Variants in CSMD3 observed in about 807,000 individuals in gnomAD.
CSMD3 encodes CUB and Sushi multiple domains 3.
A neutral mutation model predicts 435.2 loss-of-function variants in CSMD3; 177 were observed. The observed-to-expected ratio is 0.41, with a 90% CI of 0.36 to 0.46. The LOEUF is 0.46. Ranked by LOEUF, CSMD3 falls within the 20% of genes least tolerant of loss-of-function variation. The probability of loss-of-function intolerance (pLI) is 0.34; values close to 1 mark genes in which losing one functional copy is unlikely to be tolerated. For missense variants in CSMD3, 4,265 were observed against 4,504.6 expected, an observed-to-expected ratio of 0.95 and a Z score of 1.52; for synonymous variants, 1,656 against 1,520.5, an observed-to-expected ratio of 1.09 and a Z score of -2.07.
intron 41 of CSMD3, among the ~76,000 whole-genome samples, chr8:112,342,303 A>T (rs138292552): frequency 1.3e-5 from 2 of 152,258 alleles, no homozygotes; most frequent in African/African-American, 2.4e-5. Context: ...TAATCTCAAT[A>T]TCTTTATAAG....
At chr8:112,397,086 C>T (rs1341728200) in intron 35 of CSMD3, among the ~76,000 whole-genome samples, 1 of 152,160 alleles carries the variant, frequency 6.6e-6, no homozygotes, top group African/African-American at 2.4e-5. Flanking sequence ...ATTTAAGACA[C>T]TGAGCTTTTT....
rs568765222 is a variant in CSMD3 at position 113,336,902 on chromosome 8, T to G, written c.179-22109A>C. ...ACCACAGTGAGGGTGTTGGAACACC[T>G]TCTTGTAGCCTGGTAAGCCTGAAAG... On this transcript the variant is annotated intron_variant, in intron 1 of 70. Coordinates refer to ENST00000297405, the MANE Select transcript of CSMD3 (RefSeq NM_198123.2). Among the ~76,000 whole-genome samples the G allele has an allele frequency of 8.7e-4, 133 of 152,234 alleles. 1 individual carries two copies. The highest frequency in any genetic ancestry group is 4.0e-4 in the Non-Finnish European group (27 of 67,990).
chr8:112,783,337 TAGAA>T (rs2078441279), intron 13 of CSMD3, among the ~76,000 whole-genome samples: 1 of 137,330 alleles, frequency 7.3e-6, no homozygotes, highest in African/African-American at 2.7e-5. Context: ...CACAAAAAAA[TAGAA>T]AGCCAAGAAT....
At chr8:112,460,081 C>A (rs942159333) in intron 32 of CSMD3, among the ~76,000 whole-genome samples, 1 of 152,072 alleles carries the variant, frequency 6.6e-6, no homozygotes, top group African/African-American at 2.4e-5. Context: ...ACGGTAGTTT[C>A]CCACATCGTA....
At chr8:112,582,396 T>G (rs1222708600) in intron 23 of CSMD3, among the ~76,000 whole-genome samples, 3 of 152,076 alleles carry the variant, frequency 2.0e-5, no homozygotes, top group Non-Finnish European at 4.4e-5. Flanking sequence ...CAGGTATTTC[T>G]TTATAGCAAT....
At chr8:113,311,720 A>G (rs922981888) in intron 2 of CSMD3, 2 of 152,158 alleles carry the variant, frequency 1.3e-5, no homozygotes, top group Non-Finnish European at 2.9e-5. Flanking sequence ...GCTGTAGGTT[A>G]CATACTAATT....
chr8:113,179,794 A>T (rs892994225), intron 3 of CSMD3, among the ~76,000 whole-genome samples: 1 of 151,838 alleles, frequency 6.6e-6, no homozygotes, highest in Non-Finnish European at 1.5e-5. Context: ...TGGATAAATG[A>T]AATAAAACTC....
chr8:113,259,236 GA>G (rs1315229026), intron 3 of CSMD3, among the ~76,000 whole-genome samples: 1 of 152,114 alleles, frequency 6.6e-6, no homozygotes, highest in Non-Finnish European at 1.5e-5. Flanking sequence ...TTAGTAGACT[GA>G]ATCAATCAGA....
chr8:113,373,881 T>C (rs965052269), intron 1 of CSMD3, among the ~76,000 whole-genome samples: 24 of 152,272 alleles, frequency 1.6e-4, no homozygotes, highest in Admixed American at 8.5e-4. Flanking sequence ...GTCCATATTC[T>C]TTATATCTCA....
intron 38 of CSMD3, among the ~76,000 whole-genome samples, chr8:112,353,159 G>A (rs997567369): frequency 5.3e-5 from 8 of 152,168 alleles, no homozygotes; most frequent in African/African-American, 1.9e-4. Flanking sequence ...GGGGGGCTGA[G>A]GTGGGTGGAT....
intron 7 of CSMD3, among the ~76,000 whole-genome samples, chr8:112,956,220 G>T (rs928653512): frequency 7.2e-5 from 11 of 151,880 alleles, no homozygotes; most frequent in African/African-American, 2.7e-4. Flanking sequence ...TATAGTTTAA[G>T]ATTCTTTAAC....
At chr8:112,966,046 C>T (rs957364540) in intron 7 of CSMD3, among the ~76,000 whole-genome samples, 3 of 151,458 alleles carry the variant, frequency 2.0e-5, no homozygotes, top group African/African-American at 7.3e-5. Flanking sequence ...AAAAAGTAAA[C>T]AAAAAGTATG....
At chr8:112,959,645 T>C (rs1271841224) in intron 7 of CSMD3, among the ~76,000 whole-genome samples, 1 of 151,886 alleles carries the variant, frequency 6.6e-6, no homozygotes, top group Admixed American at 6.6e-5. Flanking sequence ...TTATTTTGAA[T>C]TTATTAATTA....
In CSMD3 at chr8:112,592,624, T is replaced by C. The variant is rs564663235; in HGVS notation, c.3716-5389A>G. Among the ~76,000 whole-genome samples the C allele has an allele frequency of 9.1e-4, 138 of 152,234 alleles. 1 individual carries two copies. Among genetic ancestry groups the C allele is most frequent in the Non-Finnish European group, 1.1e-3 (74 of 67,960 alleles). On this transcript the variant is annotated intron_variant, in intron 22 of 70. Coordinates refer to ENST00000297405, the MANE Select transcript of CSMD3 (RefSeq NM_198123.2). ...TGCAGTCATAATTGAAACGCTTAAA[T>C]TCAAAACTTTTTAAAATCAATTATA...
intron 6 of CSMD3, among the ~76,000 whole-genome samples, chr8:112,980,178 T>C (rs1008054763): frequency 6.6e-6 from 1 of 150,712 alleles, no homozygotes; most frequent in African/African-American, 2.4e-5. Flanking sequence ...TTTTTTGTCC[T>C]ATAGTTTAAA....
chr8:112,559,304 T>G (rs1435759114), intron 24 of CSMD3, among the ~76,000 whole-genome samples: 1 of 151,976 alleles, frequency 6.6e-6, no homozygotes. Context: ...CTTAAATAGA[T>G]ATATTTACAT....
At chr8:112,606,241 T>C (rs141449700) in intron 22 of CSMD3, among the ~76,000 whole-genome samples, 2 of 152,254 alleles carry the variant, frequency 1.3e-5, no homozygotes, top group African/African-American at 4.8e-5. Context: ...AGCCCATGAT[T>C]TCTCCTACAT....
At chr8:113,344,003 A>G (rs2094136619) in intron 1 of CSMD3, among the ~76,000 whole-genome samples, 1 of 152,168 alleles carries the variant, frequency 6.6e-6, no homozygotes. Flanking sequence ...CAATCAAATT[A>G]TCACATCCTT....
intron 10 of CSMD3, among the ~76,000 whole-genome samples, chr8:112,883,341 TG>T (rs2081500782): frequency 6.6e-6 from 1 of 152,014 alleles, no homozygotes. Context: ...TTCTTTTTGA[TG>T]TGAAATTAAA....
Sources: allele counts gnomAD v4.1 joint callset (sites outside exome capture counted in the v4.1 genomes callset), GRCh38; gene constraint gnomAD v4.1.1; transcripts MANE v1.5; gene names NCBI Gene and HGNC (gene_info 2026-07-23, HGNC 2026-07-21).